MDGA2: variants seen among roughly 807,000 people sequenced by gnomAD.
The protein encoded by MDGA2 is MAM domain-containing glycosylphosphatidylinositol anchor protein 2.
In MDGA2, 40 loss-of-function variants were observed where a neutral mutation model predicts 117.8. The observed-to-expected ratio is 0.34, with a 90% CI of 0.26 to 0.44. MDGA2 has a LOEUF of 0.44. MDGA2 is among the 20% of genes least tolerant of loss of function. The pLI is 1.00. For missense variants in MDGA2, 1,123 were observed against 1,250.6 expected (o/e 0.90, Z 1.54); for synonymous variants, 452 against 439.0 (o/e 1.03, Z -0.37).
At chr14:46,911,723 G>A (rs1215461843) in intron 10 of MDGA2, among the ~76,000 whole-genome samples, 3 of 152,032 alleles carry the variant, frequency 2.0e-5, no homozygotes, top group Non-Finnish European at 4.4e-5. Context: ...AAGATCCCAT[G>A]GCATATTTCT....
intron 7 of MDGA2, among the ~76,000 whole-genome samples, chr14:47,054,059 C>T (rs1384878466): frequency 6.6e-6 from 1 of 151,926 alleles, no homozygotes; most frequent in Admixed American, 6.6e-5. Flanking sequence ...GAACATTGGT[C>T]ATTGACTTAA....
At chr14:46,970,806 A>G (rs1157081963) in intron 8 of MDGA2, among the ~76,000 whole-genome samples, 3 of 152,164 alleles carry the variant, frequency 2.0e-5, no homozygotes, top group African/African-American at 7.2e-5. Context: ...ACAAAGGATA[A>G]TATCTAGAAT....
chr14:47,574,559 G>A (rs1272318802), intron 1 of MDGA2, among the ~76,000 whole-genome samples: 3 of 152,092 alleles, frequency 2.0e-5, no homozygotes, highest in African/African-American at 7.2e-5. Context: ...ATCCAGTCAT[G>A]ACAGGTCAAT....
intron 1 of MDGA2, among the ~76,000 whole-genome samples, chr14:47,509,206 T>G (rs920225542): frequency 6.6e-6 from 1 of 152,182 alleles, no homozygotes; most frequent in African/African-American, 2.4e-5. Flanking sequence ...AAGTAAACTA[T>G]AATACAAAAA....
At chr14:47,193,418 G>C (rs1235644067) in intron 3 of MDGA2, among the ~76,000 whole-genome samples, 1 of 152,116 alleles carries the variant, frequency 6.6e-6, no homozygotes, top group African/African-American at 2.4e-5. Flanking sequence ...CTGTCCCAGA[G>C]TCTTGGATCT....
At chr14:47,218,776 T>C (rs139021408) in intron 2 of MDGA2, among the ~76,000 whole-genome samples, 10 of 152,268 alleles carry the variant, frequency 6.6e-5, no homozygotes, top group Middle Eastern at 3.4e-3. Flanking sequence ...GATTTGTCTA[T>C]TTTGATCATC....
At chr14:47,534,198 T>A (rs1895159679) in intron 1 of MDGA2, among the ~76,000 whole-genome samples, 1 of 152,132 alleles carries the variant, frequency 6.6e-6, no homozygotes, top group Admixed American at 6.6e-5. Context: ...ATTACTCGGG[T>A]TGATTTATAG....
chr14:47,372,206 T>G (rs1891375444), intron 1 of MDGA2, among the ~76,000 whole-genome samples: 2 of 151,870 alleles, frequency 1.3e-5, no homozygotes, highest in South Asian at 4.1e-4. Flanking sequence ...AAAGTGTTTC[T>G]GAGCAAACCA....
intron 3 of MDGA2, among the ~76,000 whole-genome samples, chr14:47,147,458 C>T (rs1192648361): frequency 6.6e-6 from 1 of 152,140 alleles, no homozygotes; most frequent in Non-Finnish European, 1.5e-5. Flanking sequence ...GATATCCCCT[C>T]AAAGCTGCCC....
At chr14:47,373,159 G>C (rs1264653789) in intron 1 of MDGA2, among the ~76,000 whole-genome samples, 3 of 151,976 alleles carry the variant, frequency 2.0e-5, no homozygotes, top group African/African-American at 4.8e-5. Flanking sequence ...CATTTGGAGA[G>C]TTTTGAAAAG....
At chr14:47,594,306 A>C (rs1422323332) in intron 1 of MDGA2, among the ~76,000 whole-genome samples, 1 of 152,202 alleles carries the variant, frequency 6.6e-6, no homozygotes, top group Non-Finnish European at 1.5e-5. Context: ...CTATTTTAAC[A>C]TATTTTCTCC....
At chr14:47,297,316 C>T (rs1889106691) in intron 2 of MDGA2, among the ~76,000 whole-genome samples, 1 of 151,566 alleles carries the variant, frequency 6.6e-6, no homozygotes, top group Non-Finnish European at 1.5e-5. Flanking sequence ...TGTTAAATAT[C>T]CTACTGTTTA....
chr14:47,532,737 G>GT (rs2138735979), intron 1 of MDGA2, among the ~76,000 whole-genome samples: 1 of 152,294 alleles, frequency 6.6e-6, no homozygotes, highest in South Asian at 2.1e-4. Context: ...ATTGCTGCCA[G>GT]TAACAGTAGA....
chr14:47,655,604 A>G (rs906587636), intron 1 of MDGA2, among the ~76,000 whole-genome samples: 8 of 152,114 alleles, frequency 5.3e-5, no homozygotes, highest in African/African-American at 1.4e-4. Context: ...TGGAAAGACA[A>G]TCTTTCCAAA....
At chr14:47,418,124 T>G (rs569734526) in intron 1 of MDGA2, among the ~76,000 whole-genome samples, 13 of 152,278 alleles carry the variant, frequency 8.5e-5, no homozygotes, top group Admixed American at 7.9e-4. Context: ...TCGCCCAGGC[T>G]GGAGAACAGT....
chr14:47,102,941 C>T (rs1383031388), intron 5 of MDGA2, among the ~76,000 whole-genome samples: 1 of 152,062 alleles, frequency 6.6e-6, no homozygotes, highest in Non-Finnish European at 1.5e-5. Flanking sequence ...CCATGTAAAT[C>T]CAGTGATCAA....
At chr14:47,028,514 G>A (rs556062552) in intron 8 of MDGA2, among the ~76,000 whole-genome samples, 1 of 152,274 alleles carries the variant, frequency 6.6e-6, no homozygotes, top group South Asian at 2.1e-4. Context: ...ATCATCTAAT[G>A]TGTGTCTTCA....
intron 2 of MDGA2, among the ~76,000 whole-genome samples, chr14:47,292,909 G>C (rs941745138): frequency 1.3e-5 from 2 of 152,116 alleles, no homozygotes; most frequent in African/African-American, 4.8e-5. Context: ...GTTGATAAAC[G>C]AATTCTGGTT....
At chr14:47,034,137 T>C (rs954904032) in intron 8 of MDGA2, among the ~76,000 whole-genome samples, 7 of 152,220 alleles carry the variant, frequency 4.6e-5, no homozygotes, top group Non-Finnish European at 1.0e-4. Context: ...TTGAGTAGAT[T>C]GTGTTTAGTT....
Sources: allele counts gnomAD v4.1 joint callset (sites outside exome capture counted in the v4.1 genomes callset), GRCh38; gene constraint gnomAD v4.1.1; transcripts MANE v1.5; gene names NCBI Gene and HGNC (gene_info 2026-07-23, HGNC 2026-07-21).